CDC16: variants seen among roughly 807,000 people sequenced by gnomAD.
The protein encoded by CDC16 is cell division cycle 16, also known as cell division cycle protein 16 homolog.
In CDC16, 34 loss-of-function variants were observed where a neutral mutation model predicts 87.0. The ratio of observed to expected loss-of-function variants is 0.39; its 90% CI spans 0.30 to 0.52. The LOEUF (loss-of-function observed/expected upper bound fraction) is 0.52. Ranked by LOEUF, CDC16 falls within the 20% of genes least tolerant of loss-of-function variation. CDC16 has a pLI of 0.74. For missense variants in CDC16, 653 were observed against 751.9 expected (o/e 0.87, Z 1.54); for synonymous variants, 263 against 260.6 (o/e 1.01, Z -0.09).
intron 11 of CDC16, among the ~76,000 whole-genome samples, chr13:114,247,847 G>A (rs1287269952): frequency 6.6e-6 from 1 of 152,104 alleles, no homozygotes; most frequent in African/African-American, 2.4e-5. Context: ...TTGCACTCCA[G>A]TCTGGGTGAC....
intron 2 of CDC16, 21 bp from the exon 3 acceptor site, chr13:114,236,778 T>C (rs2081272988): frequency 1.2e-6 from 2 of 1,612,228 alleles, no homozygotes; most frequent in Admixed American, 1.7e-5. Flanking sequence ...TCTGACCACT[T>C]ATGTGAATTT....
chr13:114,256,299 G>A (rs961433087), intron 12 of CDC16, among the ~76,000 whole-genome samples: 1 of 152,154 alleles, frequency 6.6e-6, no homozygotes, highest in African/African-American at 2.4e-5. Context: ...CTGCCATTTT[G>A]AAAGTACTTC....
chr13:114,253,149 T>G (rs914675108), intron 12 of CDC16, among the ~76,000 whole-genome samples: 1 of 152,220 alleles, frequency 6.6e-6, no homozygotes, highest in Non-Finnish European at 1.5e-5. Flanking sequence ...CTTTCAAGTT[T>G]ACTTATCTGT....
At chr13:114,249,020 G>T (rs1444603867) in intron 11 of CDC16, among the ~76,000 whole-genome samples, 1 of 151,760 alleles carries the variant, frequency 6.6e-6, no homozygotes, top group South Asian at 2.1e-4. Flanking sequence ...TACATTTATC[G>T]TGTGCTTTTT....
intron 17 of CDC16, among the ~76,000 whole-genome samples, chr13:114,266,726 C>T (rs1372771697): frequency 1.3e-5 from 2 of 151,720 alleles, no homozygotes; most frequent in Non-Finnish European, 2.9e-5. Context: ...CGGAGTCTCG[C>T]TCTGTCGCCC....
intron 12 of CDC16, among the ~76,000 whole-genome samples, chr13:114,253,421 G>A (rs1297452730): frequency 6.6e-6 from 1 of 152,114 alleles, no homozygotes; most frequent in Admixed American, 6.5e-5. Context: ...GGGCGCAGTG[G>A]CTCACACCTG....
At chr13:114,260,299 C>T (rs916795102) in intron 14 of CDC16, among the ~76,000 whole-genome samples, 1 of 152,180 alleles carries the variant, frequency 6.6e-6, no homozygotes, top group African/African-American at 2.4e-5. Flanking sequence ...TTTGCACATG[C>T]GTGTATATAA....
intron 5 of CDC16, among the ~76,000 whole-genome samples, chr13:114,240,761 T>C (rs943213451): frequency 3.3e-5 from 5 of 150,794 alleles, no homozygotes; most frequent in Non-Finnish European, 5.9e-5. Flanking sequence ...TTTGTTTTTG[T>C]TTTTTTTTCT....
At chr13:114,259,493 G>T in intron 14 of CDC16, 95 bp downstream of exon 14, 1 of 641,958 alleles carries the variant, frequency 1.6e-6, no homozygotes, top group Non-Finnish European at 2.5e-6. Context: ...TGCCTTCGAA[G>T]ATAGTAACCT....
At chr13:114,265,380 T>C (rs1055080065) in intron 17 of CDC16, 140 bp downstream of exon 17, 16 of 609,962 alleles carry the variant, frequency 2.6e-5, no homozygotes, top group Non-Finnish European at 4.7e-5. Context: ...AACAAGAAAC[T>C]CCATTTATTT....
intron 17 of CDC16, among the ~76,000 whole-genome samples, chr13:114,267,619 G>A (rs2083315329): frequency 6.6e-6 from 1 of 152,146 alleles, no homozygotes; most frequent in Non-Finnish European, 1.5e-5. Context: ...ATACATTTCT[G>A]TGGGCTTGAA....
Position 114,243,296 on chromosome 13 carries a change from G to A in CDC16, c.581G>A (p.Cys194Tyr). The change falls in exon 7 of 18, where the codon TGT becomes TAT. Residue 194 changes from cysteine to tyrosine, a missense_variant. Physicochemically the swap from Cys to Tyr is radical, Grantham distance 194 (BLOSUM62 -2). Coordinates refer to ENST00000356221, the MANE Select transcript of CDC16 (RefSeq NM_001078645.3). ...GAATCACTACCCCTTAGCAAGCTGT[G>A]TAATGAAGAACAGGAATTGCTGCGT... ...LLESLPLSKL[C>Y]NEEQELLRFL... The A allele has an allele frequency of 6.3e-7, 1 of 1,594,800 alleles. No homozygotes were observed. The highest frequency in any genetic ancestry group is 8.6e-7 in the Non-Finnish European group (1 of 1,163,056).
At chr13:114,241,193 T>C (rs1295108792) in intron 5 of CDC16, among the ~76,000 whole-genome samples, 2 of 152,180 alleles carry the variant, frequency 1.3e-5, no homozygotes, top group East Asian at 3.8e-4. Flanking sequence ...ACCACAGAGA[T>C]GGTAGCATCT....
At chr13:114,250,447 G>C in intron 11 of CDC16, 102 bp from the exon 12 acceptor site, 1 of 1,060,950 alleles carries the variant, frequency 9.4e-7, no homozygotes, top group South Asian at 1.6e-5. Context: ...AGCCGAGATC[G>C]CACCACTGCA....
At chr13:114,267,047 T>C (rs776565471) in intron 17 of CDC16, among the ~76,000 whole-genome samples, 83 of 152,190 alleles carry the variant, frequency 5.5e-4, no homozygotes, top group Middle Eastern at 3.2e-3. Context: ...CTTAGAAATA[T>C]TAATCTATAG....
chr13:114,271,162 C>T (rs2083622241), intron 17 of CDC16, among the ~76,000 whole-genome samples: 1 of 152,038 alleles, frequency 6.6e-6, no homozygotes, highest in African/African-American at 2.4e-5. Flanking sequence ...ACCTCGTGAT[C>T]CACCCGCCTC....
At chr13:114,259,443 G>C (rs751951243) in intron 14 of CDC16, 45 bp downstream of exon 14, 1 of 1,063,112 alleles carries the variant, frequency 9.4e-7, no homozygotes, top group East Asian at 2.8e-5. Context: ...ACACCCCTGA[G>C]TGTTTACTGT....
rs1049717626 is a variant in CDC16 at position 114,244,772 on chromosome 13, A to G, written c.768-118A>G. 9.4e-6 allele frequency: 5 copies of G among 532,122 alleles called. No individual in the cohort carries two copies. The African/African-American group carries it at 9.7e-5, about 10-fold the overall frequency. The allele number at this position is 532,122 out of a possible 1,614,324, so 33.0% of individuals were successfully genotyped here. On this transcript the variant is annotated intron_variant, in intron 8 of 17. Transcript: ENST00000356221. Reference sequence around the variant, plus strand: ...GAAGATAATGGAGTGAAGAAAGTGAAGTGTTACAACCCACAGCATCATATG... The same window carrying G: ...GAAGATAATGGAGTGAAGAAAGTGAGGTGTTACAACCCACAGCATCATATG...
intron 17 of CDC16, among the ~76,000 whole-genome samples, chr13:114,266,917 T>C (rs2083262220): frequency 6.6e-6 from 1 of 151,888 alleles, no homozygotes; most frequent in Non-Finnish European, 1.5e-5. Context: ...AGGATGATCT[T>C]GATCTCCTGA....
Sources: gnomAD v4.1 joint callset for allele counts (sites outside exome capture counted in the v4.1 genomes callset) on GRCh38, gnomAD v4.1.1 for gene constraint, MANE v1.5 for transcripts, NCBI Gene and HGNC (gene_info 2026-07-23, HGNC 2026-07-21) for gene names.